The following SF3B3 variants were observed in gnomAD, a reference collection of about 807,000 sequenced individuals.
SF3B3 encodes SAP 130.
In SF3B3, 33 loss-of-function variants were observed where a neutral mutation model predicts 139.2. The ratio of observed to expected loss-of-function variants is 0.24; its 90% CI spans 0.18 to 0.32. SF3B3 has a LOEUF of 0.32. Among genes scored for constraint, SF3B3 ranks in the 10% least tolerant of loss-of-function variants. SF3B3 has a pLI of 1.00. For missense variants in SF3B3, 818 were observed against 1,509.4 expected (o/e 0.54, Z 7.59); for synonymous variants, 596 against 563.6 (o/e 1.06, Z -0.81).
chr16:70,571,823 T>G lies in SF3B3; in HGVS notation c.*10T>G. On this transcript the variant is annotated 3_prime_UTR_variant, in exon 26 of 26. Transcript: ENST00000302516. ...CCGCTACGCCTTCTGAGCCCTCCTTTCCCGGTGGGGCTTGCCAGAGACTGT... is the reference window on the plus strand; with the variant it reads ...CCGCTACGCCTTCTGAGCCCTCCTTGCCCGGTGGGGCTTGCCAGAGACTGT... 1 of 1,607,608 alleles carries G rather than the reference T, an allele frequency of 6.2e-7. No individual in the cohort carries two copies. The highest frequency in any genetic ancestry group is 1.1e-5 in the South Asian group (1 of 90,586).
intron 21 of SF3B3, among the ~76,000 whole-genome samples, 174 bp from the exon 22 acceptor site, chr16:70,568,109 C>G (rs149269729): frequency 3.3e-5 from 5 of 152,312 alleles, no homozygotes; most frequent in African/African-American, 7.2e-5. Context: ...TATATTTGCA[C>G]TATATTAAAA....
chr16:70,571,434 C>T (rs1412347632), intron 25 of SF3B3, among the ~76,000 whole-genome samples: 2 of 152,144 alleles, frequency 1.3e-5, no homozygotes, highest in South Asian at 2.1e-4. Flanking sequence ...AAAGTTTTCC[C>T]GGTCTGGGCG....
At chr16:70,569,935 C>T in intron 23 of SF3B3, 71 bp from the exon 24 acceptor site, 37 of 1,570,430 alleles carry the variant, frequency 2.4e-5, no homozygotes, top group Non-Finnish European at 3.0e-5. Flanking sequence ...TTAGGGAGCA[C>T]TGCTTGCCCT....
Position 70,571,128 on chromosome 16 carries a change from C to G in SF3B3, c.3442C>G (p.Leu1148Val). 1 of 1,614,046 alleles carries G rather than the reference C, an allele frequency of 6.2e-7. No homozygotes were observed. Among genetic ancestry groups the G allele is most frequent in the Non-Finnish European group, 8.5e-7 (1 of 1,179,960 alleles). Residue 1148 changes from leucine to valine, a missense_variant, in exon 25 of 26, where the codon CTG (leucine) becomes GTG (valine). By Grantham distance (32) the Leu-to-Val change is conservative (BLOSUM62 1). Transcript: ENST00000302516. ...CTTCTTCCAGCATGTGGAAATGCAC[C>G]TGCGGTCTGAACATCCCCCTCTCTG... is the stretch of plus-strand genomic sequence containing the variant. ...HDFFQHVEMH[L>V]RSEHPPLCGR...
chr16:70,563,153 A>G (rs2050445552), intron 17 of SF3B3, among the ~76,000 whole-genome samples: 1 of 152,066 alleles, frequency 6.6e-6, no homozygotes, highest in African/African-American at 2.4e-5. Flanking sequence ...TATTTTCAAC[A>G]GAGTTGGTGT....
At chr16:70,542,458 C>A (rs1209113779) in intron 9 of SF3B3, among the ~76,000 whole-genome samples, 1 of 152,144 alleles carries the variant, frequency 6.6e-6, no homozygotes, top group African/African-American at 2.4e-5. Context: ...ATTGCTGGTG[C>A]TCAGTTGTGA....
chr16:70,538,670 AT>A (rs1363816133), intron 7 of SF3B3, among the ~76,000 whole-genome samples: 1 of 152,204 alleles, frequency 6.6e-6, no homozygotes, highest in Non-Finnish European at 1.5e-5. Flanking sequence ...TGTAGTGATT[AT>A]TTTTAGGTGA....
At chr16:70,570,237 C>T in intron 24 of SF3B3, 88 bp downstream of exon 24, 1 of 1,257,718 alleles carries the variant, frequency 8.0e-7, no homozygotes, top group Non-Finnish European at 1.1e-6. Context: ...CATTTGTCCC[C>T]ACATATAATT....
intron 17 of SF3B3, 52 bp from the exon 18 acceptor site, chr16:70,563,824 A>C: frequency 6.4e-7 from 1 of 1,562,694 alleles, no homozygotes; most frequent in Non-Finnish European, 8.8e-7. Flanking sequence ...TTTCAACACC[A>C]GTTTCTGGGT....
chr16:70,523,997 C>A, intron 1 of SF3B3, 69 bp downstream of exon 1: 1 of 417,596 alleles, frequency 2.4e-6, no homozygotes, highest in South Asian at 8.5e-5. Context: ...AAGGGGGACC[C>A]GAGACTTTGG....
intron 6 of SF3B3, chr16:70,538,035 T>A: frequency 5.0e-6 from 3 of 599,402 alleles, no homozygotes; most frequent in South Asian, 4.1e-5. Context: ...TTAAAAAATT[T>A]CATGTCTCTT....
At chr16:70,550,792 G>C in intron 11 of SF3B3, 1 of 332,716 alleles carries the variant, frequency 3.0e-6, no homozygotes, top group Non-Finnish European at 4.3e-6. Context: ...TAACTTTGCA[G>C]TTGGATGTCA....
chr16:70,543,205 T>C (rs2050236088), intron 9 of SF3B3, among the ~76,000 whole-genome samples: 2 of 150,962 alleles, frequency 1.3e-5, no homozygotes, highest in Admixed American at 1.3e-4. Flanking sequence ...GTTGGGAGTT[T>C]GAGACCAGCC....
At chr16:70,564,498 C>T (rs760630339) in intron 18 of SF3B3, among the ~76,000 whole-genome samples, 2 of 152,252 alleles carry the variant, frequency 1.3e-5, no homozygotes, top group Non-Finnish European at 2.9e-5. Context: ...TAACCCAGGA[C>T]TATACTCTGA....
intron 1 of SF3B3, among the ~76,000 whole-genome samples, chr16:70,526,244 G>T (rs1474194924): frequency 6.6e-6 from 1 of 151,512 alleles, no homozygotes; most frequent in African/African-American, 2.4e-5. Context: ...GTCTCATTCT[G>T]TCGCCCAGCC....
intron 8 of SF3B3, among the ~76,000 whole-genome samples, chr16:70,539,642 T>A (rs982670101): frequency 3.3e-5 from 5 of 152,224 alleles, no homozygotes; most frequent in Non-Finnish European, 5.9e-5. Context: ...AAGTTTGTTC[T>A]ATCCTTGTAG....
At chr16:70,545,968 G>A (rs142972114) in intron 10 of SF3B3, among the ~76,000 whole-genome samples, 350 of 152,198 alleles carry the variant, frequency 2.3e-3, no homozygotes, top group Non-Finnish European at 4.0e-3. Context: ...CCATAGGTCT[G>A]GTTTTTGGTT....
At chr16:70,538,856 G>T (rs922874726) in intron 7 of SF3B3, among the ~76,000 whole-genome samples, 5 of 152,064 alleles carry the variant, frequency 3.3e-5, no homozygotes, top group East Asian at 3.8e-4. Flanking sequence ...TTTTGTAAAG[G>T]CCACATAGTA....
At chr16:70,545,798 T>A (rs556175632) in intron 10 of SF3B3, among the ~76,000 whole-genome samples, 1 of 152,238 alleles carries the variant, frequency 6.6e-6, no homozygotes, top group South Asian at 2.1e-4. Flanking sequence ...ATTAAATGAG[T>A]TGATAACAAA....
Sources: allele counts gnomAD v4.1 joint callset (sites outside exome capture counted in the v4.1 genomes callset), GRCh38; gene constraint gnomAD v4.1.1; transcripts MANE v1.5; gene names NCBI Gene and HGNC (gene_info 2026-07-23, HGNC 2026-07-21).